Variants in GPR107 observed in about 807,000 individuals in gnomAD.
The protein encoded by GPR107 is protein GPR107.
GPR107 carries 31 observed loss-of-function variants against 75.5 expected under a neutral mutation model. The observed-to-expected ratio is 0.41, with a 90% CI of 0.31 to 0.55. The LOEUF (loss-of-function observed/expected upper bound fraction) is 0.55. Ranked by LOEUF, GPR107 falls within the 20% of genes least tolerant of loss-of-function variation. The pLI is 0.26. For missense variants in GPR107, 572 were observed against 665.7 expected, an observed-to-expected ratio of 0.86 and a Z score of 1.55; for synonymous variants, 267 against 251.3, an observed-to-expected ratio of 1.06 and a Z score of -0.59.
At chr9:130,075,101 T>G (rs187234014) in intron 1 of GPR107, among the ~76,000 whole-genome samples, 1 of 152,106 alleles carries the variant, frequency 6.6e-6, no homozygotes, top group Non-Finnish European at 1.5e-5. Context: ...ACTGTTGATA[T>G]CTTTTGGATT....
intron 6 of GPR107, among the ~76,000 whole-genome samples, chr9:130,084,047 C>CATATATAAATATATATAT (rs1554892947): frequency 7.6e-6 from 1 of 130,908 alleles, no homozygotes; most frequent in Non-Finnish European, 1.6e-5. Flanking sequence ...AGAGAGCTAA[C>CATATATAAATATATATAT]ATATATATAT....
intron 15 of GPR107, among the ~76,000 whole-genome samples, chr9:130,125,209 G>T (rs1831646128): frequency 6.7e-6 from 1 of 149,792 alleles, no homozygotes; most frequent in Non-Finnish European, 1.5e-5. Context: ...AGCTTTCCGA[G>T]TAGCTGGGAT....
At chr9:130,107,470 T>G in intron 13 of GPR107, 26 bp from the exon 14 acceptor site, 1 of 1,483,292 alleles carries the variant, frequency 6.7e-7, no homozygotes, top group Middle Eastern at 1.7e-4. Flanking sequence ...CAGCTAACTT[T>G]TTGTTCTCTA....
At chr9:130,101,903 G>C (rs562223796) in intron 12 of GPR107, among the ~76,000 whole-genome samples, 33 of 152,312 alleles carry the variant, frequency 2.2e-4, no homozygotes, top group African/African-American at 7.9e-4. Flanking sequence ...AAATGTGGAA[G>C]GTTGGGGGTG....
chr9:130,077,414 G>T, intron 4 of GPR107, 36 bp downstream of exon 4: 1 of 1,020,770 alleles, frequency 9.8e-7, no homozygotes, highest in Non-Finnish European at 1.6e-6. Flanking sequence ...TTCAGTCCTA[G>T]AGTAGAGTCG....
intron 1 of GPR107, among the ~76,000 whole-genome samples, chr9:130,070,000 TTTTTTTTTTTTA>T (rs1248023588): frequency 2.5e-4 from 11 of 44,540 alleles, no homozygotes; most frequent in South Asian, 1.1e-3. Flanking sequence ...TTTTTTTTTT[TTTTTTTTTTTTA>T]AATTTTTTTG....
rs1167251234 is a variant in GPR107 at position 130,136,691 on chromosome 9, A to G, written c.*1570A>G. Reference sequence around the variant, plus strand: ...ATGGTTGTTCTCCCTGTCCCATGCTATCTTATCTTCCTAAATGACTAATGA... The same window carrying G: ...ATGGTTGTTCTCCCTGTCCCATGCTGTCTTATCTTCCTAAATGACTAATGA... On this transcript the variant is annotated 3_prime_UTR_variant, in exon 18 of 18. Coordinates refer to ENST00000347136, the MANE Select transcript of GPR107 (RefSeq NM_020960.5). 6.6e-6 allele frequency: 1 copy of G among 152,218 alleles called. No individual in the cohort carries two copies. The highest frequency in any genetic ancestry group is 1.5e-5 in the Non-Finnish European group (1 of 68,042). 9.4% of individuals were successfully genotyped at this position (152,218 alleles called of 1,614,324 possible). A position where few individuals can be genotyped will look rare whatever the true frequency, so the allele number is the denominator to read the frequency against.
chr9:130,114,558 A>T (rs1033166855), intron 14 of GPR107: 28 of 438,272 alleles, frequency 6.4e-5, no homozygotes, highest in Admixed American at 5.3e-4. Flanking sequence ...AATTTTTAAA[A>T]TTTTTTTTGT....
intron 14 of GPR107, among the ~76,000 whole-genome samples, chr9:130,118,427 G>A (rs907374930): frequency 1.3e-5 from 2 of 151,086 alleles, no homozygotes; most frequent in African/African-American, 4.9e-5. Flanking sequence ...ACTGTGGGGG[G>A]CGTTGCTCTT....
In GPR107 at chr9:130,079,756, C is replaced by T; in HGVS notation, c.513C>T (p.Thr171=). 1 of 1,610,730 alleles carries T rather than the reference C, an allele frequency of 6.2e-7. No individual in the cohort carries two copies. Among genetic ancestry groups the T allele is most frequent in the South Asian group, 1.1e-5 (1 of 90,542 alleles). ...ACCCTGCTTCAGCAGGCAACCAGACCCAGAAGACACAAGGTAAACCGTAAG... is the reference window on the plus strand; with the variant it reads ...ACCCTGCTTCAGCAGGCAACCAGACTCAGAAGACACAAGGTAAACCGTAAG... ...NVNPASAGNQ[T]QKTQDGGKSK... The change falls in exon 5 of 18, where the codon ACC becomes ACT. Residue 171 remains threonine, a synonymous_variant. Transcript: ENST00000347136.
intron 9 of GPR107, 46 bp from the exon 10 acceptor site, chr9:130,099,411 G>T: frequency 9.4e-7 from 1 of 1,062,978 alleles, no homozygotes; most frequent in Middle Eastern, 2.0e-4. Flanking sequence ...GCTGTCCTTT[G>T]GGAGAATGGA....
chr9:130,094,086 A>AT (rs1326644302), intron 9 of GPR107, among the ~76,000 whole-genome samples: 1 of 150,652 alleles, frequency 6.6e-6, no homozygotes, highest in Non-Finnish European at 1.5e-5. Flanking sequence ...AAGTGCTGGG[A>AT]TTACAGGCGT....
chr9:130,070,277 C>G (rs990791325), intron 1 of GPR107, among the ~76,000 whole-genome samples: 16 of 151,652 alleles, frequency 1.1e-4, no homozygotes, highest in African/African-American at 3.9e-4. Context: ...GCTAGCATCA[C>G]AGGCACCTGC....
chr9:130,114,274 T>C (rs1831373114), intron 14 of GPR107, among the ~76,000 whole-genome samples: 1 of 151,798 alleles, frequency 6.6e-6, no homozygotes, highest in Admixed American at 6.6e-5. Context: ...GAAGCTGAGG[T>C]AGAAGGATTG....
chr9:130,120,533 G>C (rs1041858902), intron 14 of GPR107, among the ~76,000 whole-genome samples: 4 of 152,182 alleles, frequency 2.6e-5, no homozygotes, highest in Admixed American at 6.6e-5. Flanking sequence ...TTACCTTGAA[G>C]ATTCTCTCTG....
At chr9:130,125,089 G>GTTTTTTT in intron 15 of GPR107, 125 bp downstream of exon 15, 1 of 100,650 alleles carries the variant, frequency 9.9e-6, no homozygotes, top group Non-Finnish European at 1.7e-5. Flanking sequence ...AGTGTGGCTT[G>GTTTTTTT]CTTTTTTTTT....
At chr9:130,081,631 C>T (rs148147730) in intron 5 of GPR107, among the ~76,000 whole-genome samples, 3,364 of 151,414 alleles carry the variant, frequency 0.022, 53 homozygotes, top group Middle Eastern at 0.034. Context: ...CAAGATCGCA[C>T]CACTGCACTC....
At chr9:130,063,069 C>G (rs566507421) in intron 1 of GPR107, among the ~76,000 whole-genome samples, 57 of 152,308 alleles carry the variant, frequency 3.7e-4, no homozygotes, top group African/African-American at 1.4e-3. Context: ...AGAATGACTC[C>G]TAACCTCAGT....
At chr9:130,121,793 C>T (rs1240902511) in intron 14 of GPR107, among the ~76,000 whole-genome samples, 1 of 152,242 alleles carries the variant, frequency 6.6e-6, no homozygotes, top group Non-Finnish European at 1.5e-5. Flanking sequence ...AAACATGACA[C>T]TTCCTTGTCT....
Sources: allele counts gnomAD v4.1 joint callset (sites outside exome capture counted in the v4.1 genomes callset), GRCh38; gene constraint gnomAD v4.1.1; transcripts MANE v1.5; gene names NCBI Gene and HGNC (gene_info 2026-07-23, HGNC 2026-07-21).